CDH4: variants seen among roughly 807,000 people sequenced by gnomAD.
CDH4 encodes the protein cadherin-4.
A neutral mutation model predicts 86.0 loss-of-function variants in CDH4; 33 were observed. That is an observed-to-expected ratio of 0.38 (90% CI 0.29 to 0.51). The LOEUF is 0.51. Among genes scored for constraint, CDH4 ranks in the 20% least tolerant of loss-of-function variants. The pLI, the probability that CDH4 is intolerant of heterozygous loss-of-function variation, is 0.86. For synonymous variants in CDH4, 555 were observed against 549.4 expected, an observed-to-expected ratio of 1.01 and a Z score of -0.14; for missense variants, 1,114 against 1,307.4, an observed-to-expected ratio of 0.85 and a Z score of 2.28.
intron 4 of CDH4, among the ~76,000 whole-genome samples, chr20:61,777,712 C>A (rs1332225527): frequency 4.8e-5 from 7 of 145,352 alleles, no homozygotes; most frequent in Non-Finnish European, 9.0e-5. Context: ...AAACACACAC[C>A]CACATGCGTG....
At chr20:61,339,237 A>G (rs1049157434) in intron 2 of CDH4, among the ~76,000 whole-genome samples, 5 of 152,242 alleles carry the variant, frequency 3.3e-5, no homozygotes, top group African/African-American at 9.6e-5. Context: ...GAGAGGACAC[A>G]TAGACCAATT....
chr20:61,850,736 G>C (rs189828966), intron 5 of CDH4, among the ~76,000 whole-genome samples: 1 of 152,354 alleles, frequency 6.6e-6, no homozygotes, highest in East Asian at 1.9e-4. Flanking sequence ...CCATGTTTGC[G>C]TGTTTCCTCC....
chr20:61,363,766 C>T (rs2084796916), intron 2 of CDH4, among the ~76,000 whole-genome samples: 1 of 152,280 alleles, frequency 6.6e-6, no homozygotes, highest in African/African-American at 2.4e-5. Flanking sequence ...GTGAAAGCTA[C>T]CAGGTCAGTG....
chr20:61,841,354 C>G (rs1432791450), intron 4 of CDH4, among the ~76,000 whole-genome samples: 1 of 152,344 alleles, frequency 6.6e-6, no homozygotes, highest in African/African-American at 2.4e-5. Flanking sequence ...TCTCCCACCC[C>G]CGAGGAACAA....
At chr20:61,899,579 C>T (rs1195954864) in intron 8 of CDH4, among the ~76,000 whole-genome samples, 6 of 152,216 alleles carry the variant, frequency 3.9e-5, no homozygotes, top group African/African-American at 1.2e-4. Flanking sequence ...AGGCGCCTGC[C>T]ACCACGCCCG....
chr20:61,725,258 C>T lies in CDH4; in HGVS notation c.170-18305C>T, dbSNP rs150451393. 1.4e-3 allele frequency among the ~76,000 whole-genome samples: 209 copies of T among 152,334 alleles called. 2 individuals carry two copies. Among genetic ancestry groups the T allele is most frequent in the Middle Eastern group, 0.01 (3 of 294 alleles). ...TGTGGCACCGTCCACCTGCACACACCGCAGCGTAGGAAGGGCCTTGCCCCG... is the reference window on the plus strand; with the variant it reads ...TGTGGCACCGTCCACCTGCACACACTGCAGCGTAGGAAGGGCCTTGCCCCG... On this transcript the variant is annotated intron_variant, in intron 2 of 15. Coordinates refer to ENST00000614565, the MANE Select transcript of CDH4 (RefSeq NM_001794.5).
intron 2 of CDH4, among the ~76,000 whole-genome samples, chr20:61,277,775 T>C (rs1186823175): frequency 6.6e-6 from 1 of 152,214 alleles, no homozygotes; most frequent in Non-Finnish European, 1.5e-5. Flanking sequence ...CAGAGCATAA[T>C]TGGATAACAA....
At position 61,754,310 on chromosome 20, in the gene CDH4, G is replaced by A. The variant is rs1031455034; in HGVS notation, c.396+10521G>A. On this transcript the variant is annotated intron_variant, in intron 3 of 15. Coordinates refer to ENST00000614565, the MANE Select transcript of CDH4 (RefSeq NM_001794.5). The surrounding 1 kb of genome is among the most constrained non-coding windows in gnomAD (Gnocchi z 4.7). ...TGCAGACAGACCCCAAGGCATCCCC[G>A]AAGGCAGGGAGGAGTGTCCCCAGCC... 3.3e-5 allele frequency among the ~76,000 whole-genome samples: 5 copies of A among 152,116 alleles called. No homozygotes were observed. The highest frequency in any genetic ancestry group is 1.3e-4 in the Admixed American group (2 of 15,280).
chr20:61,636,927 C>A (rs538980266), intron 2 of CDH4, among the ~76,000 whole-genome samples: 1 of 152,318 alleles, frequency 6.6e-6, no homozygotes, highest in Admixed American at 6.5e-5. Context: ...CTCACCTCCC[C>A]TGATGGTCCC....
intron 2 of CDH4, among the ~76,000 whole-genome samples, chr20:61,632,858 A>ACCCTCCCC (rs2086906155): frequency 6.4e-5 from 3 of 47,054 alleles, no homozygotes; most frequent in South Asian, 1.2e-3. Context: ...CCACCCTCCC[A>ACCCTCCCC]CCCACTCACT....
chr20:61,715,690 C>T (rs2087945204), intron 2 of CDH4, among the ~76,000 whole-genome samples: 2 of 152,208 alleles, frequency 1.3e-5, no homozygotes, highest in African/African-American at 4.8e-5. Context: ...TGAGACCACC[C>T]AGCTTTGCCG....
chr20:61,847,847 CAG>C (rs1982529074), intron 5 of CDH4, among the ~76,000 whole-genome samples: 1 of 152,110 alleles, frequency 6.6e-6, no homozygotes, highest in African/African-American at 2.4e-5. Context: ...GGAGTGCACT[CAG>C]AGCAAGAATT....
At chr20:61,791,188 A>G (rs1424183856) in intron 4 of CDH4, among the ~76,000 whole-genome samples, 1 of 152,260 alleles carries the variant, frequency 6.6e-6, no homozygotes, top group African/African-American at 2.4e-5. Context: ...GATAAAGGTA[A>G]TAAGTTTTTG....
chr20:61,362,634 G>C lies in CDH4; in HGVS notation c.169+107697G>C, dbSNP rs1049124995. Among the ~76,000 whole-genome samples the C allele has an allele frequency of 5.9e-5, 9 of 152,228 alleles. No individual in the cohort carries two copies. The Middle Eastern group carries it at 0.01, about 173-fold the overall frequency. On this transcript the variant is annotated intron_variant, in intron 2 of 15. Transcript: ENST00000614565. ...GTGAAGGGAAGTGGTGAGATTCAGC[G>C]GGTCAGGATGGGGGAGCAAAGGGGA... is the stretch of plus-strand genomic sequence containing the variant.
At chr20:61,780,446 C>T (rs8120826) in intron 4 of CDH4, among the ~76,000 whole-genome samples, 1,678 of 152,192 alleles carry the variant, frequency 0.011, 37 homozygotes, top group African/African-American at 0.039. Context: ...ATTGTCTGCA[C>T]CCCCCACTAA....
intron 2 of CDH4, among the ~76,000 whole-genome samples, chr20:61,406,633 G>A (rs1030904640): frequency 1.5e-5 from 2 of 134,678 alleles, no homozygotes; most frequent in African/African-American, 5.9e-5. Context: ...TCTGCCATCT[G>A]TTCTGCCTGG....
rs1277379877 is a variant in CDH4 at position 61,328,342 on chromosome 20, A to AT, written c.169+73411dup. 3.9e-5 allele frequency among the ~76,000 whole-genome samples: 6 copies of AT among 152,144 alleles called. No individual in the cohort carries two copies. The East Asian group carries it at 9.7e-4, about 25-fold the overall frequency. ...AGGTGCATGCCACCATGCCTGGCTAATTTTTTGTATTTTTAGTAGAGATGG... is the reference window on the plus strand; with the variant it reads ...AGGTGCATGCCACCATGCCTGGCTAATTTTTTTGTATTTTTAGTAGAGATGG... On this transcript the variant is annotated intron_variant, in intron 2 of 15. Transcript: ENST00000614565.
intron 2 of CDH4, among the ~76,000 whole-genome samples, chr20:61,583,493 G>A (rs2086447479): frequency 6.6e-6 from 1 of 152,086 alleles, no homozygotes; most frequent in African/African-American, 2.4e-5. Context: ...TCCCATGGAA[G>A]GCATCCAGGG....
At position 61,811,682 on chromosome 20, in the gene CDH4, CTTTT is replaced by C. The variant is rs372708280; in HGVS notation, c.577-32971_577-32968del. The stretch of plus-strand genomic sequence containing the variant: ...GTCACGCCCCTGGCTGCCTACTGAG[CTTTT>C]TTTTTTTTTTTTTTGAGTTGGCACC... On this transcript the variant is annotated intron_variant, in intron 4 of 15. Transcript: ENST00000614565. This position sits in a 1 kb window ranked among gnomAD's most constrained non-coding sequence, Gnocchi z 4.4. Among the ~76,000 whole-genome samples, 11 of 127,462 alleles carry C rather than the reference CTTTT, an allele frequency of 8.6e-5. No homozygotes were observed. The highest frequency in any genetic ancestry group is 2.4e-4 in the Admixed American group (3 of 12,430). The allele number at this position is 127,462 out of a possible 152,430, so 83.6% of individuals were successfully genotyped here. A position where few individuals can be genotyped will look rare whatever the true frequency, so the allele number is the denominator to read the frequency against.
Sources: allele counts gnomAD v4.1 joint callset (sites outside exome capture counted in the v4.1 genomes callset), GRCh38; gene constraint gnomAD v4.1.1; non-coding constraint Gnocchi (gnomAD v3.1); transcripts MANE v1.5; gene names NCBI Gene and HGNC (gene_info 2026-07-23, HGNC 2026-07-21).